Variants in APLF observed in about 807,000 individuals in gnomAD.
APLF encodes aprataxin and PNKP like factor, also known as aprataxin and PNK-like factor.
Under a neutral mutation model 55.6 loss-of-function variants are expected in APLF, and 61 were observed. That is an observed-to-expected ratio of 1.10 (90% CI 0.89 to 1.36). The LOEUF (loss-of-function observed/expected upper bound fraction) is 1.36, where lower values mean the gene tolerates loss of function less well. Among genes scored for constraint, APLF ranks in the 40% most tolerant of loss-of-function variants. APLF has a pLI of 0.00. For synonymous variants in APLF, 207 were observed against 214.8 expected (o/e 0.96, Z 0.32); for missense variants, 611 against 602.5 (o/e 1.01, Z -0.15).
intron 8 of APLF, among the ~76,000 whole-genome samples, chr2:68,561,025 A>G (rs962744370): frequency 6.6e-6 from 1 of 152,166 alleles, no homozygotes. Context: ...CAGGGAAAAT[A>G]TTCAGCAGGA....
chr2:68,533,280 T>C (rs996599698), intron 6 of APLF, among the ~76,000 whole-genome samples: 1 of 152,202 alleles, frequency 6.6e-6, no homozygotes, highest in African/African-American at 2.4e-5. Context: ...ATTTTCAAGT[T>C]TGTGATATTC....
chr2:68,518,414 TTA>T (rs1199816902), intron 5 of APLF, among the ~76,000 whole-genome samples: 2 of 111,070 alleles, frequency 1.8e-5, no homozygotes, highest in Non-Finnish European at 3.3e-5. Flanking sequence ...ATATTATATA[TTA>T]TATAATAATT....
At chr2:68,545,354 A>G (rs1670676169) in intron 8 of APLF, 42 bp downstream of exon 8, 1 of 1,585,302 alleles carries the variant, frequency 6.3e-7, no homozygotes. Flanking sequence ...TTTCTTTCTT[A>G]TCTCTGTTAC....
At position 68,579,138 on chromosome 2, in the gene APLF, A is replaced by G. The variant is rs576407411; in HGVS notation, c.*1116A>G. ...TTTTCTACTCTAAAGGAACCTAAAA[A>G]TTTATATCTTAAAAGATCAAAACAT... On this transcript the variant is annotated 3_prime_UTR_variant, in exon 10 of 10. Coordinates refer to ENST00000303795, the MANE Select transcript of APLF (RefSeq NM_173545.3). The G allele has an allele frequency of 1.1e-6, 1 of 872,338 alleles. No individual in the cohort carries two copies. The highest frequency in any genetic ancestry group is 1.8e-5 in the African/African-American group (1 of 54,834). The allele number at this position is 872,338 out of a possible 1,614,324, so 54.0% of individuals were successfully genotyped here. A position where few individuals can be genotyped will look rare whatever the true frequency, so the allele number is the denominator to read the frequency against.
intron 8 of APLF, among the ~76,000 whole-genome samples, chr2:68,554,841 T>A (rs1010916798): frequency 7.0e-4 from 107 of 152,036 alleles, no homozygotes; most frequent in African/African-American, 2.5e-3. Context: ...AAAATTCATA[T>A]GGAACTAAAA....
rs1491102114 is a variant in APLF at position 68,551,604 on chromosome 2, T to TTCTTC, written c.1286+6293_1286+6294insCTTCT. Among the ~76,000 whole-genome samples, 770 of 94,222 alleles carry TTCTTC rather than the reference T, an allele frequency of 8.2e-3. 1 individual carries two copies. Among genetic ancestry groups the TTCTTC allele is most frequent in the African/African-American group, 0.035 (736 of 21,088 alleles). The allele number at this position is 94,222 out of a possible 152,430, so 61.8% of individuals were successfully genotyped here. Reference sequence around the variant, plus strand: ...GATGTTTATTTAATTCTTCTTCTTCTTTTTTTTTTTTTTTTTGGCCAATTC... The same window carrying TTCTTC: ...GATGTTTATTTAATTCTTCTTCTTCTTCTTCTTTTTTTTTTTTTTTTGGCCAATTC... On this transcript the variant is annotated intron_variant, in intron 8 of 9. Transcript: ENST00000303795.
In APLF at chr2:68,579,371, A is replaced by G; in HGVS notation, c.*1349A>G. 1 of 980,112 alleles carries G rather than the reference A, an allele frequency of 1.0e-6. No homozygotes were observed. The highest frequency in any genetic ancestry group is 1.2e-6 in the Non-Finnish European group (1 of 825,088). 60.7% of individuals were successfully genotyped at this position (980,112 alleles called of 1,614,324 possible). ...CCTTGGTAGTATAACAAATCTACGA[A>G]TGTAATATTTAACTTATTCTCATCC... On this transcript the variant is annotated 3_prime_UTR_variant, in exon 10 of 10. Coordinates refer to ENST00000303795, the MANE Select transcript of APLF (RefSeq NM_173545.3).
chr2:68,513,336 C>A, intron 4 of APLF, 109 bp downstream of exon 4: 2 of 1,338,784 alleles, frequency 1.5e-6, no homozygotes, highest in Non-Finnish European at 2.0e-6. Context: ...CAGCATTTAT[C>A]TACTTTTGCT....
chr2:68,555,156 A>G (rs1425542118), intron 8 of APLF, among the ~76,000 whole-genome samples: 4 of 152,210 alleles, frequency 2.6e-5, no homozygotes, highest in Non-Finnish European at 5.9e-5. Context: ...TACAAAAATC[A>G]ACTCAAGATG....
chr2:68,515,791 A>C, intron 5 of APLF: 1 of 940,046 alleles, frequency 1.1e-6, no homozygotes, highest in Non-Finnish European at 1.3e-6. Flanking sequence ...GAACAAGATT[A>C]GGTTACTTAA....
At chr2:68,574,014 A>T (rs1202629913) in intron 9 of APLF, among the ~76,000 whole-genome samples, 3 of 152,070 alleles carry the variant, frequency 2.0e-5, no homozygotes, top group Non-Finnish European at 2.9e-5. Flanking sequence ...TAAGCATTCT[A>T]GGCAAAAATA....
intron 8 of APLF, among the ~76,000 whole-genome samples, chr2:68,566,409 G>A (rs541075452): frequency 8.0e-4 from 122 of 152,110 alleles, no homozygotes; most frequent in African/African-American, 2.8e-3. Context: ...TCTCCTTAGG[G>A]GCAAGAATGT....
At chr2:68,498,893 G>A (rs1040895305) in intron 2 of APLF, among the ~76,000 whole-genome samples, 10 of 151,910 alleles carry the variant, frequency 6.6e-5, no homozygotes, top group African/African-American at 2.4e-4. Context: ...TTGGGTGGTT[G>A]TGTTTTTTTA....
At position 68,488,099 on chromosome 2, in the gene APLF, A is replaced by G. The variant is rs531795397; in HGVS notation, c.97-2091A>G. 2.4e-3 allele frequency among the ~76,000 whole-genome samples: 358 copies of G among 152,256 alleles called. 4 individuals carry two copies. The highest frequency in any genetic ancestry group is 1.7e-3 in the Non-Finnish European group (118 of 68,024). The stretch of plus-strand genomic sequence containing the variant: ...ATACAGTTTAAAAAAGGAAAGAAAG[A>G]AATTTAAGATGGACTGTTAAAGGAA... On this transcript the variant is annotated intron_variant, in intron 1 of 9. Transcript: ENST00000303795.
chr2:68,474,349 T>C (rs1455031834), intron 1 of APLF, among the ~76,000 whole-genome samples: 1 of 152,240 alleles, frequency 6.6e-6, no homozygotes. Context: ...GGCTTGGGGC[T>C]GAAAGTCCCA....
chr2:68,523,978 A>G (rs968617999), intron 5 of APLF, among the ~76,000 whole-genome samples: 2 of 151,680 alleles, frequency 1.3e-5, no homozygotes, highest in African/African-American at 2.4e-5. Context: ...AAACTTGAGT[A>G]TTTTAAATAT....
chr2:68,518,999 A>T (rs1281633182), intron 5 of APLF, among the ~76,000 whole-genome samples: 4 of 121,424 alleles, frequency 3.3e-5, no homozygotes, highest in Admixed American at 1.9e-4. Context: ...ATCTGATAAT[A>T]TATTATTAAT....
At position 68,529,268 on chromosome 2, in the gene APLF, G is replaced by A; in HGVS notation, c.804+3026G>A. ...GGTGCCGTCCCACCTGCCTGGAAAA[G>A]AAGGCCCAAGATGTCGCTGACGGTT... On this transcript the variant is annotated intron_variant, in intron 6 of 9. Coordinates refer to ENST00000303795, the MANE Select transcript of APLF (RefSeq NM_173545.3). The surrounding 1 kb of genome is among the most constrained non-coding windows in gnomAD (Gnocchi z 4.4). 1 of 1,328,978 alleles carries A rather than the reference G, an allele frequency of 7.5e-7. No homozygotes were observed. The highest frequency in any genetic ancestry group is 9.9e-7 in the Non-Finnish European group (1 of 1,010,896). 82.3% of individuals were successfully genotyped at this position (1,328,978 alleles called of 1,614,324 possible).
intron 2 of APLF, among the ~76,000 whole-genome samples, chr2:68,493,703 C>G (rs1676439571): frequency 6.6e-6 from 1 of 152,190 alleles, no homozygotes; most frequent in South Asian, 2.1e-4. Flanking sequence ...GTGGCTCACA[C>G]CTGTAATCCC....
Sources: allele counts gnomAD v4.1 joint callset (sites outside exome capture counted in the v4.1 genomes callset), GRCh38; gene constraint gnomAD v4.1.1; non-coding constraint Gnocchi (gnomAD v3.1); transcripts MANE v1.5; gene names NCBI Gene and HGNC (gene_info 2026-07-23, HGNC 2026-07-21).